Variants in DNAJC15 observed in about 807,000 individuals in gnomAD.
The protein encoded by DNAJC15 is DnaJ heat shock protein family (Hsp40) member C15.
DNAJC15 carries 27 observed loss-of-function variants against 22.4 expected under a neutral mutation model. That is an observed-to-expected ratio of 1.20 (90% CI 0.89 to 1.66). The LOEUF is 1.66. Among genes scored for constraint, DNAJC15 ranks in the 40% most tolerant of loss-of-function variants. The pLI, the probability that DNAJC15 is intolerant of heterozygous loss-of-function variation, is 0.00. For synonymous variants in DNAJC15, 79 were observed against 63.2 expected, an observed-to-expected ratio of 1.25 and a Z score of -1.19; for missense variants, 208 against 187.1, an observed-to-expected ratio of 1.11 and a Z score of -0.65.
At chr13:43,084,786 TGTTTACAGCATAGG>T (rs2040679400) in intron 4 of DNAJC15, among the ~76,000 whole-genome samples, 1 of 152,242 alleles carries the variant, frequency 6.6e-6, no homozygotes, top group Admixed American at 6.5e-5. Context: ...CTTTAATTTT[TGTTTACAGCATAGG>T]CTTTAACAGC....
At chr13:43,070,871 A>T (rs1045077221) in intron 3 of DNAJC15, among the ~76,000 whole-genome samples, 2 of 106,860 alleles carry the variant, frequency 1.9e-5, no homozygotes, top group Admixed American at 9.4e-5. Flanking sequence ...TCTGCTTGCT[A>T]CCTTAGAGCC....
At chr13:43,066,924 G>A (rs1210390759) in intron 2 of DNAJC15, among the ~76,000 whole-genome samples, 4 of 152,168 alleles carry the variant, frequency 2.6e-5, no homozygotes, top group East Asian at 3.9e-4. Context: ...CGGCCCATTC[G>A]AAAGAATAGT....
At chr13:43,029,458 C>G (rs1340350516) in intron 1 of DNAJC15, among the ~76,000 whole-genome samples, 2 of 151,872 alleles carry the variant, frequency 1.3e-5, no homozygotes, top group Non-Finnish European at 2.9e-5. Flanking sequence ...TTATATTTAT[C>G]TAAAAAGTTA....
At chr13:43,097,184 TTA>T (rs1491323012) in intron 5 of DNAJC15, among the ~76,000 whole-genome samples, 1 of 152,218 alleles carries the variant, frequency 6.6e-6, no homozygotes, top group Non-Finnish European at 1.5e-5. Context: ...GCTGATTTAC[TTA>T]TAGCCTTCTT....
intron 4 of DNAJC15, 47 bp downstream of exon 4, chr13:43,078,735 C>T: frequency 6.4e-7 from 1 of 1,560,510 alleles, no homozygotes; most frequent in Non-Finnish European, 8.8e-7. Context: ...CCAAGCTTGT[C>T]TTTAAAAAAG....
chr13:43,024,074 G>T (rs1361727391), intron 1 of DNAJC15, among the ~76,000 whole-genome samples: 2 of 152,224 alleles, frequency 1.3e-5, no homozygotes, highest in Admixed American at 6.5e-5. Flanking sequence ...AGGGGACGTG[G>T]TGGGATCAGG....
chr13:43,102,638 T>A (rs1198293550), intron 5 of DNAJC15, among the ~76,000 whole-genome samples: 1 of 152,024 alleles, frequency 6.6e-6, no homozygotes, highest in Non-Finnish European at 1.5e-5. Context: ...TATATATTTA[T>A]TTTTTATTAA....
At chr13:43,059,808 C>A (rs1310465071) in intron 1 of DNAJC15, among the ~76,000 whole-genome samples, 1 of 152,184 alleles carries the variant, frequency 6.6e-6, no homozygotes, top group African/African-American at 2.4e-5. Flanking sequence ...TTAGTTCTTA[C>A]AGGTTTTGGG....
chr13:43,088,061 A>G (rs190672082), intron 5 of DNAJC15, among the ~76,000 whole-genome samples: 1 of 152,288 alleles, frequency 6.6e-6, no homozygotes, highest in East Asian at 1.9e-4. Flanking sequence ...TGCATAGTGA[A>G]TATAGAAGGG....
chr13:43,058,518 G>A (rs1685733500), intron 1 of DNAJC15, among the ~76,000 whole-genome samples: 1 of 152,074 alleles, frequency 6.6e-6, no homozygotes, highest in African/African-American at 2.4e-5. Flanking sequence ...CTCAGCACTG[G>A]GAATTTGCCC....
In DNAJC15 at chr13:43,023,789, C is replaced by T. The variant is rs1429005743; in HGVS notation, c.108+55C>T. On this transcript the variant is annotated intron_variant, in intron 1 of 5. Coordinates refer to ENST00000379221, the MANE Select transcript of DNAJC15 (RefSeq NM_013238.3). ...TCTGGCTCCCTTGTAGTTTCTGCTTCAGCCCCCTCTACCGCCTCACCCTTG... is the reference window on the plus strand; with the variant it reads ...TCTGGCTCCCTTGTAGTTTCTGCTTTAGCCCCCTCTACCGCCTCACCCTTG... 21 of 1,487,532 alleles carry T rather than the reference C, an allele frequency of 1.4e-5. No homozygotes were observed. The Admixed American group carries it at 3.7e-4, about 26-fold the overall frequency. The allele number at this position is 1,487,532 out of a possible 1,614,324, so 92.1% of individuals were successfully genotyped here. A position where few individuals can be genotyped will look rare whatever the true frequency, so the allele number is the denominator to read the frequency against.
intron 3 of DNAJC15, among the ~76,000 whole-genome samples, chr13:43,073,051 C>CT (rs1593322373): frequency 6.6e-6 from 1 of 152,224 alleles, no homozygotes; most frequent in Non-Finnish European, 1.5e-5. Flanking sequence ...CATATTGGTT[C>CT]TTTTTTTCCC....
At chr13:43,039,979 A>G (rs538136692) in intron 1 of DNAJC15, among the ~76,000 whole-genome samples, 1 of 152,334 alleles carries the variant, frequency 6.6e-6, no homozygotes, top group African/African-American at 2.4e-5. Context: ...AGGTCACACC[A>G]CTGCGCTCCA....
At chr13:43,082,983 T>G (rs1375879357) in intron 4 of DNAJC15, among the ~76,000 whole-genome samples, 1 of 151,974 alleles carries the variant, frequency 6.6e-6, no homozygotes, top group Non-Finnish European at 1.5e-5. Flanking sequence ...TGATGAAATT[T>G]ATGAAATAGG....
chr13:43,065,862 C>A, intron 2 of DNAJC15, 125 bp downstream of exon 2: 2 of 752,882 alleles, frequency 2.7e-6, no homozygotes, highest in South Asian at 2.2e-5. Flanking sequence ...CATTCTCATT[C>A]TTTCCACCAT....
At chr13:43,038,043 C>T (rs543010036) in intron 1 of DNAJC15, among the ~76,000 whole-genome samples, 1 of 152,232 alleles carries the variant, frequency 6.6e-6, no homozygotes, top group East Asian at 1.9e-4. Context: ...TTTAATGATT[C>T]CCCCATTGTT....
chr13:43,074,154 G>A (rs752326960), intron 3 of DNAJC15, among the ~76,000 whole-genome samples: 1 of 152,056 alleles, frequency 6.6e-6, no homozygotes, highest in Non-Finnish European at 1.5e-5. Flanking sequence ...TATGATAAAT[G>A]TATTCTTTTA....
intron 4 of DNAJC15, among the ~76,000 whole-genome samples, chr13:43,083,106 G>C (rs2040670915): frequency 6.6e-6 from 1 of 151,862 alleles, no homozygotes; most frequent in South Asian, 2.1e-4. Flanking sequence ...CCTTTTTACA[G>C]TCATTTTTGG....
intron 1 of DNAJC15, among the ~76,000 whole-genome samples, chr13:43,044,155 T>C (rs897030645): frequency 6.6e-6 from 1 of 152,336 alleles, no homozygotes; most frequent in East Asian, 1.9e-4. Context: ...CCACTTGCTG[T>C]TGTTTAAATT....
Sources: gnomAD v4.1 joint callset for allele counts (sites outside exome capture counted in the v4.1 genomes callset) on GRCh38, gnomAD v4.1.1 for gene constraint, MANE v1.5 for transcripts, NCBI Gene and HGNC (gene_info 2026-07-23, HGNC 2026-07-21) for gene names.